SIAH3: variants seen among roughly 807,000 people sequenced by gnomAD.
SIAH3 encodes the protein siah E3 ubiquitin protein ligase family member 3, also known as seven in absentia homolog 3.
Under a neutral mutation model 12.6 loss-of-function variants are expected in SIAH3, and 9 were observed. The ratio of observed to expected loss-of-function variants is 0.72; its 90% CI spans 0.43 to 1.25. SIAH3 has a LOEUF of 1.25. Ranked by LOEUF, SIAH3 falls within the 50% of genes most tolerant of loss-of-function variation. SIAH3 has a pLI of 0.00. For missense variants in SIAH3, 390 were observed against 365.4 expected (o/e 1.07, Z -0.55); for synonymous variants, 154 against 151.1 (o/e 1.02, Z -0.14).
rs1950495619 is a variant in SIAH3 at position 45,779,393 on chromosome 13, G to T, written c.*3990C>A. The T allele has an allele frequency of 6.6e-6, 1 of 152,068 alleles. No individual in the cohort carries two copies. The highest frequency in any genetic ancestry group is 1.5e-5 in the Non-Finnish European group (1 of 68,010). 9.4% of individuals were successfully genotyped at this position (152,068 alleles called of 1,614,324 possible). A position where few individuals can be genotyped will look rare whatever the true frequency, so the allele number is the denominator to read the frequency against. On this transcript the variant is annotated 3_prime_UTR_variant, in exon 2 of 2. Coordinates refer to ENST00000400405, the MANE Select transcript of SIAH3 (RefSeq NM_198849.3). ...GCTCTAGTACTCCACTAGGTCTTGG[G>T]TTGAAAAAAGAGGGAGAAAAAGGGG...
At chr13:45,825,368 C>G (rs1316476479) in intron 1 of SIAH3, among the ~76,000 whole-genome samples, 2 of 152,174 alleles carry the variant, frequency 1.3e-5, no homozygotes, top group Non-Finnish European at 2.9e-5. Context: ...AAATCATTAT[C>G]TCGACTCTGG....
At chr13:45,815,225 G>C (rs933970321) in intron 1 of SIAH3, among the ~76,000 whole-genome samples, 12 of 152,126 alleles carry the variant, frequency 7.9e-5, no homozygotes, top group African/African-American at 2.9e-4. Context: ...TCAAATGCTA[G>C]GCTAAATGTT....
At chr13:45,804,604 A>T (rs1950592695) in intron 1 of SIAH3, among the ~76,000 whole-genome samples, 1 of 152,196 alleles carries the variant, frequency 6.6e-6, no homozygotes, top group Non-Finnish European at 1.5e-5. Context: ...ACCCACAGCC[A>T]ACATTATACT....
intron 1 of SIAH3, among the ~76,000 whole-genome samples, chr13:45,824,094 C>G (rs1422436118): frequency 1.3e-5 from 2 of 152,182 alleles, no homozygotes; most frequent in Non-Finnish European, 2.9e-5. Context: ...CCATTCTCAT[C>G]TGTTTAATCT....
intron 1 of SIAH3, among the ~76,000 whole-genome samples, chr13:45,830,156 G>A (rs1950693416): frequency 6.6e-6 from 1 of 152,212 alleles, no homozygotes; most frequent in South Asian, 2.1e-4. Flanking sequence ...ACGTCCCTTG[G>A]AAACAGTCAG....
chr13:45,779,607 G>A lies in SIAH3; in HGVS notation c.*3776C>T, dbSNP rs1950496316. The A allele has an allele frequency of 6.6e-6, 1 of 152,172 alleles. No homozygotes were observed. Among genetic ancestry groups the A allele is most frequent in the Non-Finnish European group, 1.5e-5 (1 of 68,042 alleles). 9.4% of individuals were successfully genotyped at this position (152,172 alleles called of 1,614,324 possible). A position where few individuals can be genotyped will look rare whatever the true frequency, so the allele number is the denominator to read the frequency against. ...TTGCTAGCTGGGTGATCTTAAGCAA[G>A]TTGGCTAAATTCTCTTAGCTTACGT... On this transcript the variant is annotated 3_prime_UTR_variant, in exon 2 of 2. Transcript: ENST00000400405.
Position 45,783,628 on chromosome 13 carries a change from G to T in SIAH3, c.565C>A (p.Leu189Met). 6.2e-7 allele frequency: 1 copy of T among 1,614,176 alleles called. No individual in the cohort carries two copies. Among genetic ancestry groups the T allele is most frequent in the Non-Finnish European group, 8.5e-7 (1 of 1,180,012 alleles). The change falls in exon 2 of 2, where the codon CTG becomes ATG. Residue 189 changes from leucine (L) to methionine (M), a missense_variant. Leu to Met is a conservative substitution (Grantham distance 15, BLOSUM62 2). Coordinates refer to ENST00000400405, the MANE Select transcript of SIAH3 (RefSeq NM_198849.3). ...GHPQFFATMM[L>M]IGTPTQADCF... is the part of the protein sequence containing the mutation. ...TCGGCCTGGGTGGGGGTCCCAATCA[G>T]CATCATGGTGGCAAAGAACTGGGGG...
intron 1 of SIAH3, among the ~76,000 whole-genome samples, chr13:45,792,310 C>T (rs1950548052): frequency 6.6e-6 from 1 of 151,834 alleles, no homozygotes; most frequent in Non-Finnish European, 1.5e-5. Flanking sequence ...GAAAGTGAGA[C>T]AGGTTGCTAC....
chr13:45,843,736 A>G (rs965256310), intron 1 of SIAH3, among the ~76,000 whole-genome samples: 5 of 152,226 alleles, frequency 3.3e-5, no homozygotes, highest in African/African-American at 1.2e-4. Context: ...ACCAAGAAAC[A>G]GCAAGCACTA....
At chr13:45,811,766 T>C (rs1950617315) in intron 1 of SIAH3, among the ~76,000 whole-genome samples, 1 of 152,248 alleles carries the variant, frequency 6.6e-6, no homozygotes, top group African/African-American at 2.4e-5. Flanking sequence ...GGTCATTCAC[T>C]TTATCTTTCC....
chr13:45,802,814 G>A (rs980873261), intron 1 of SIAH3, among the ~76,000 whole-genome samples: 2 of 152,118 alleles, frequency 1.3e-5, no homozygotes, highest in Admixed American at 6.6e-5. Flanking sequence ...GCTCACGCCT[G>A]TAATCCCAGT....
chr13:45,838,948 G>A (rs1767448054), intron 1 of SIAH3, among the ~76,000 whole-genome samples: 1 of 152,186 alleles, frequency 6.6e-6, no homozygotes, highest in Admixed American at 6.5e-5. Flanking sequence ...TCTCACAGCA[G>A]TGTTTGAAAA....
chr13:45,785,324 C>T (rs1290301245), intron 1 of SIAH3, among the ~76,000 whole-genome samples: 1 of 152,164 alleles, frequency 6.6e-6, no homozygotes, highest in Non-Finnish European at 1.5e-5. Flanking sequence ...TCCCTTCTGC[C>T]CTAGCTCTCC....
chr13:45,833,244 TC>T (rs2137578125), intron 1 of SIAH3, among the ~76,000 whole-genome samples: 1 of 152,330 alleles, frequency 6.6e-6, no homozygotes, highest in South Asian at 2.1e-4. Flanking sequence ...AAGGAGCTAC[TC>T]CCACTTCTTT....
chr13:45,830,075 T>C (rs1950693144), intron 1 of SIAH3, among the ~76,000 whole-genome samples: 1 of 152,208 alleles, frequency 6.6e-6, no homozygotes. Context: ...TCTTGATAAA[T>C]GAACATCTTC....
At position 45,777,675 on chromosome 13, in the gene SIAH3, T is replaced by C. The variant is rs1287408662; in HGVS notation, c.*5708A>G. 1 of 152,218 alleles carries C rather than the reference T, an allele frequency of 6.6e-6. No individual in the cohort carries two copies. Among genetic ancestry groups the C allele is most frequent in the African/African-American group, 2.4e-5 (1 of 41,448 alleles). The allele number at this position is 152,218 out of a possible 1,614,324, so 9.4% of individuals were successfully genotyped here. ...TCACCAATTCCTGAAGAAAATCTTA[T>C]GAACAAAAAAATCTGAAATTTAACA... On this transcript the variant is annotated 3_prime_UTR_variant, in exon 2 of 2. Transcript: ENST00000400405.
intron 1 of SIAH3, among the ~76,000 whole-genome samples, chr13:45,825,204 C>T (rs541985431): frequency 6.6e-6 from 1 of 152,284 alleles, no homozygotes; most frequent in South Asian, 2.1e-4. Flanking sequence ...CTTCAGCTTT[C>T]CTCTAAGTGC....
At chr13:45,836,228 G>T (rs1950717219) in intron 1 of SIAH3, among the ~76,000 whole-genome samples, 1 of 152,176 alleles carries the variant, frequency 6.6e-6, no homozygotes, top group Non-Finnish European at 1.5e-5. Context: ...AGTCCTGCCA[G>T]GTTATTTTAT....
At chr13:45,837,623 G>A (rs909556082) in intron 1 of SIAH3, among the ~76,000 whole-genome samples, 1 of 151,718 alleles carries the variant, frequency 6.6e-6, no homozygotes, top group Non-Finnish European at 1.5e-5. Flanking sequence ...GAGGGAGGAA[G>A]GGAAGAAGGA....
Sources: gnomAD v4.1 joint callset for allele counts (sites outside exome capture counted in the v4.1 genomes callset) on GRCh38, gnomAD v4.1.1 for gene constraint, MANE v1.5 for transcripts, NCBI Gene and HGNC (gene_info 2026-07-23, HGNC 2026-07-21) for gene names.